The following DCC variants were observed in gnomAD, a reference collection of about 807,000 sequenced individuals.
DCC encodes the protein DCC netrin 1 receptor.
DCC carries 58 observed loss-of-function variants against 172.5 expected under a neutral mutation model. The ratio of observed to expected loss-of-function variants is 0.34; its 90% CI spans 0.27 to 0.42. The LOEUF (loss-of-function observed/expected upper bound fraction) is 0.42, where lower values mean the gene tolerates loss of function less well. Among genes scored for constraint, DCC ranks in the 10% least tolerant of loss-of-function variants. The probability of loss-of-function intolerance (pLI) is 1.00; values close to 1 mark genes in which losing one functional copy is unlikely to be tolerated. For synonymous variants in DCC, 709 were observed against 644.5 expected (o/e 1.10, Z -1.52); for missense variants, 1,740 against 1,791.0 (o/e 0.97, Z 0.51).
chr18:52,462,301 AC>A (rs1195759410), intron 1 of DCC, among the ~76,000 whole-genome samples: 1 of 151,944 alleles, frequency 6.6e-6, no homozygotes, highest in Admixed American at 6.6e-5. Context: ...CTCATTCAGA[AC>A]CCTCCAATGA....
intron 12 of DCC, chr18:53,236,993 A>G (rs552582544): frequency 6.6e-6 from 1 of 151,992 alleles, no homozygotes; most frequent in Non-Finnish European, 1.5e-5. Context: ...TCATCTTGAA[A>G]TCAAGCAGTA....
chr18:52,964,362 A>G (rs543114936), intron 5 of DCC, among the ~76,000 whole-genome samples: 1 of 152,318 alleles, frequency 6.6e-6, no homozygotes, highest in Non-Finnish European at 1.5e-5. Context: ...ATTTGTTAAT[A>G]AAAAACATGA....
rs139684723 is a variant in DCC at position 52,722,663 on chromosome 18, C to T, written c.92-29391C>T. Among the ~76,000 whole-genome samples, 169 of 152,242 alleles carry T rather than the reference C, an allele frequency of 1.1e-3. 1 individual carries two copies. Among genetic ancestry groups the T allele is most frequent in the African/African-American group, 3.7e-3 (155 of 41,536 alleles). On this transcript the variant is annotated intron_variant, in intron 1 of 28. Coordinates refer to ENST00000442544, the MANE Select transcript of DCC (RefSeq NM_005215.4). ...TGTCCTCCCAATTGTTCAGACGCAT[C>T]TGTCCATTTCTTCTTTTTGAGGAAC...
chr18:52,508,685 A>G (rs941914325), intron 1 of DCC, among the ~76,000 whole-genome samples: 1 of 152,264 alleles, frequency 6.6e-6, no homozygotes, highest in African/African-American at 2.4e-5. Context: ...AAAGAGGAGA[A>G]AAAGTTACTT....
At chr18:52,979,420 C>G (rs1189272523) in intron 5 of DCC, among the ~76,000 whole-genome samples, 1 of 152,030 alleles carries the variant, frequency 6.6e-6, no homozygotes, top group Admixed American at 6.6e-5. Context: ...CAGGGCCTGC[C>G]CAGAGGATGG....
At chr18:52,761,227 A>G (rs2037155252) in intron 2 of DCC, among the ~76,000 whole-genome samples, 1 of 152,168 alleles carries the variant, frequency 6.6e-6, no homozygotes, top group Admixed American at 6.5e-5. Context: ...CCTTTTTAAA[A>G]CCATCACATC....
At chr18:52,452,478 T>A (rs1480577531) in intron 1 of DCC, among the ~76,000 whole-genome samples, 1 of 152,238 alleles carries the variant, frequency 6.6e-6, no homozygotes, top group Non-Finnish European at 1.5e-5. Flanking sequence ...TGGATGTAAT[T>A]GATCCATGGC....
chr18:52,548,596 G>A (rs1398949778), intron 1 of DCC, among the ~76,000 whole-genome samples: 2 of 152,142 alleles, frequency 1.3e-5, no homozygotes, highest in African/African-American at 4.8e-5. Flanking sequence ...GAAAGAGAGA[G>A]CAGATAAGCT....
At chr18:52,465,141 C>G (rs2144547851) in intron 1 of DCC, among the ~76,000 whole-genome samples, 1 of 152,152 alleles carries the variant, frequency 6.6e-6, no homozygotes, top group East Asian at 1.9e-4. Flanking sequence ...GCTGGTCATG[C>G]TATTTAGGTA....
intron 1 of DCC, among the ~76,000 whole-genome samples, chr18:52,656,014 GTGTGTATATATATGTATA>G: frequency 9.1e-6 from 1 of 110,312 alleles, no homozygotes; most frequent in South Asian, 3.3e-4. Flanking sequence ...ATATATATAT[GTGTGTATATATATGTATA>G]TATGTGTGTA....
chr18:52,946,965 A>G (rs1259751941), intron 5 of DCC, among the ~76,000 whole-genome samples: 2 of 151,822 alleles, frequency 1.3e-5, no homozygotes, highest in Non-Finnish European at 2.9e-5. Context: ...TATTAAACAC[A>G]GAATCTGACC....
At chr18:52,423,581 T>C (rs938903619) in intron 1 of DCC, among the ~76,000 whole-genome samples, 1 of 151,960 alleles carries the variant, frequency 6.6e-6, no homozygotes, top group Non-Finnish European at 1.5e-5. Flanking sequence ...ATTCTGTCAG[T>C]AGGCAGAGAG....
At chr18:53,447,349 A>G (rs1912677438) in intron 22 of DCC, among the ~76,000 whole-genome samples, 1 of 152,200 alleles carries the variant, frequency 6.6e-6, no homozygotes, top group Non-Finnish European at 1.5e-5. Context: ...GACCTTGAAT[A>G]CAAAATTTTA....
At chr18:53,128,973 A>T (rs899998999) in intron 7 of DCC, among the ~76,000 whole-genome samples, 2 of 150,226 alleles carry the variant, frequency 1.3e-5, no homozygotes, top group African/African-American at 4.9e-5. Context: ...TGCAACCTGC[A>T]TCTCCCAGGT....
At chr18:52,425,508 C>G (rs1373176) in intron 1 of DCC, among the ~76,000 whole-genome samples, 62,164 of 151,916 alleles carry the variant, frequency 0.41, 14,138 homozygotes, top group East Asian at 0.7. Flanking sequence ...GCTATCAGCA[C>G]GTTCTATGTC....
At chr18:52,691,656 G>A (rs2035931600) in intron 1 of DCC, among the ~76,000 whole-genome samples, 1 of 152,084 alleles carries the variant, frequency 6.6e-6, no homozygotes, top group Non-Finnish European at 1.5e-5. Context: ...TGTAATCCAG[G>A]ATGACCTAGT....
rs2057636042 is a variant in DCC, at chr18:53,339,883, C to T, written c.2335C>T (p.Arg779Ter). The T allele has an allele frequency of 6.2e-7, 1 of 1,613,452 alleles. No individual in the cohort carries two copies. Among genetic ancestry groups the T allele is most frequent in the Non-Finnish European group, 8.5e-7 (1 of 1,179,704 alleles). ...AETVRVDSKQRYYSIERLESS... is the reference protein window; with the variant it reads ...AETVRVDSKQ ...GACAGTGCGTGTGGACAGCAAGCAG[C>T]GATATTATTCCATTGAGAGGTTAGG... The change falls in exon 15 of 29, where the codon CGA (arginine) becomes TGA (stop). Residue 779 changes from arginine to a stop codon, truncating the protein, a stop_gained. Coordinates refer to ENST00000442544, the MANE Select transcript of DCC (RefSeq NM_005215.4). LOFTEE classifies it high-confidence loss of function.
intron 2 of DCC, among the ~76,000 whole-genome samples, chr18:52,778,756 G>C (rs575893999): frequency 8.5e-4 from 130 of 152,176 alleles, no homozygotes; most frequent in African/African-American, 3.1e-3. Context: ...CCTAAACCAA[G>C]GTTGTCAAGA....
intron 20 of DCC, 141 bp downstream of exon 20, chr18:53,410,787 GC>G (rs1909935754): frequency 1.5e-6 from 1 of 674,476 alleles, no homozygotes; most frequent in Non-Finnish European, 2.7e-6. Flanking sequence ...TTAAAATGTA[GC>G]TTTTTATGCT....
Sources: gnomAD v4.1 joint callset for allele counts (sites outside exome capture counted in the v4.1 genomes callset) on GRCh38, gnomAD v4.1.1 for gene constraint, MANE v1.5 for transcripts, NCBI Gene and HGNC (gene_info 2026-07-23, HGNC 2026-07-21) for gene names.